DNMBP: variants seen among roughly 807,000 people sequenced by gnomAD.
The protein encoded by DNMBP is dynamin-binding protein.
DNMBP carries 87 observed loss-of-function variants against 150.0 expected under a neutral mutation model. That is an observed-to-expected ratio of 0.58 (90% CI 0.49 to 0.69). The LOEUF (loss-of-function observed/expected upper bound fraction) is 0.69. Among genes scored for constraint, DNMBP ranks in the 30% least tolerant of loss-of-function variants. DNMBP has a pLI of 0.00. For missense variants in DNMBP, 1,774 were observed against 1,949.0 expected (o/e 0.91, Z 1.69); for synonymous variants, 711 against 750.4 (o/e 0.95, Z 0.86).
At chr10:99,970,971 CAAAAAAAAAAAAAAAA>C (rs532226561) in intron 2 of DNMBP, among the ~76,000 whole-genome samples, 1 of 33,184 alleles carries the variant, frequency 3.0e-5, no homozygotes, top group Admixed American at 5.4e-4. Context: ...GACTCCGTCT[CAAAAAAAAAAAAAAAA>C]AAAAAAAAAA....
chr10:99,973,048 C>T (rs1471784453), intron 1 of DNMBP, among the ~76,000 whole-genome samples: 2 of 152,120 alleles, frequency 1.3e-5, no homozygotes, highest in Non-Finnish European at 2.9e-5. Context: ...TCCCAAAGTG[C>T]TGGGATTACA....
At chr10:99,884,317 A>C in intron 14 of DNMBP, 108 bp from the exon 15 acceptor site, 24 of 924,640 alleles carry the variant, frequency 2.6e-5, no homozygotes, top group Non-Finnish European at 3.6e-5. Flanking sequence ...ACAGTCAGTC[A>C]CTGCCCATCT....
chr10:99,923,006 C>A (rs1564733157), intron 4 of DNMBP, among the ~76,000 whole-genome samples: 1 of 152,160 alleles, frequency 6.6e-6, no homozygotes, highest in Non-Finnish European at 1.5e-5. Flanking sequence ...GTAATCCCAG[C>A]AGTTTGGGAG....
At chr10:99,969,548 G>A (rs1015179931) in intron 2 of DNMBP, among the ~76,000 whole-genome samples, 3 of 152,124 alleles carry the variant, frequency 2.0e-5, no homozygotes, top group East Asian at 1.9e-4. Context: ...ACAAAAAGTC[G>A]AATTCAGACA....
intron 1 of DNMBP, among the ~76,000 whole-genome samples, chr10:99,996,384 G>T (rs2040951886): frequency 6.6e-6 from 1 of 152,142 alleles, no homozygotes; most frequent in Non-Finnish European, 1.5e-5. Flanking sequence ...GCCAGGCATG[G>T]TGGCACCCGC....
At chr10:100,008,222 G>C (rs1050585538) in intron 1 of DNMBP, among the ~76,000 whole-genome samples, 2 of 152,182 alleles carry the variant, frequency 1.3e-5, no homozygotes, top group African/African-American at 4.8e-5. Context: ...GCCCTGCCTT[G>C]GGGCTGCAAG....
At chr10:100,000,740 C>G (rs1407819664) in intron 1 of DNMBP, among the ~76,000 whole-genome samples, 2 of 151,446 alleles carry the variant, frequency 1.3e-5, no homozygotes, top group Non-Finnish European at 1.5e-5. Flanking sequence ...AGGCACTGTT[C>G]GAGGTGGGCT....
chr10:99,992,260 T>C (rs1157635713), intron 1 of DNMBP, among the ~76,000 whole-genome samples: 2 of 151,768 alleles, frequency 1.3e-5, no homozygotes, highest in African/African-American at 4.8e-5. Context: ...CAAAACAAAA[T>C]GTAATAGTTA....
At chr10:100,006,470 T>C (rs531846119) in intron 1 of DNMBP, among the ~76,000 whole-genome samples, 2 of 152,320 alleles carry the variant, frequency 1.3e-5, no homozygotes, top group African/African-American at 4.8e-5. Context: ...CAGCTCTAGC[T>C]TGAAAAGGTC....
At chr10:99,927,850 A>T (rs2040099412) in intron 4 of DNMBP, among the ~76,000 whole-genome samples, 1 of 152,176 alleles carries the variant, frequency 6.6e-6, no homozygotes, top group Admixed American at 6.5e-5. Context: ...GAAGGGTTTC[A>T]CTCCTGTTAA....
chr10:99,969,645 AG>A (rs2040655344), intron 2 of DNMBP, among the ~76,000 whole-genome samples: 1 of 152,248 alleles, frequency 6.6e-6, no homozygotes, highest in Admixed American at 6.5e-5. Context: ...GTAATAGGTC[AG>A]GAAGAACATA....
intron 11 of DNMBP, among the ~76,000 whole-genome samples, chr10:99,889,791 C>T (rs973572903): frequency 4.6e-5 from 7 of 152,128 alleles, no homozygotes; most frequent in African/African-American, 7.2e-5. Context: ...CTGTTGAGGG[C>T]TTTTATCATC....
chr10:99,948,829 G>T (rs1176021517), intron 4 of DNMBP, among the ~76,000 whole-genome samples: 2 of 151,994 alleles, frequency 1.3e-5, no homozygotes, highest in Non-Finnish European at 2.9e-5. Context: ...CAGGTGTGGT[G>T]GCGGGCACCT....
chr10:99,981,016 G>A (rs2040775772), intron 1 of DNMBP, among the ~76,000 whole-genome samples: 1 of 152,084 alleles, frequency 6.6e-6, no homozygotes, highest in South Asian at 2.1e-4. Flanking sequence ...GAGATGAATG[G>A]TAGTAATGGT....
At chr10:99,990,836 TAC>T (rs749042671) in intron 1 of DNMBP, among the ~76,000 whole-genome samples, 975 of 71,582 alleles carry the variant, frequency 0.014, 10 homozygotes, top group South Asian at 0.082. Flanking sequence ...CATATACATA[TAC>T]ACACACACAC....
rs746639347 is a variant in DNMBP at position 99,969,230 on chromosome 10, G to A, written c.153C>T (p.Phe51=). The A allele has an allele frequency of 8.1e-6, 13 of 1,613,744 alleles. No individual in the cohort carries two copies. The East Asian group carries it at 2.7e-4, about 33-fold the overall frequency. ...TCACAATTTCCACAAAACTGCTGGG[G>A]AATTGTCCTGAAAATAAAAGCAAAC... is the stretch of plus-strand genomic sequence containing the variant. ...LGKKEDVTGQ[F]PSSFVEIVTI... The change falls in exon 3 of 17, where the codon TTC becomes TTT. Residue 51 remains phenylalanine, a synonymous_variant. Coordinates refer to ENST00000324109, the MANE Select transcript of DNMBP (RefSeq NM_015221.4).
chr10:99,947,890 G>A (rs1248552845), intron 4 of DNMBP, among the ~76,000 whole-genome samples: 3 of 152,142 alleles, frequency 2.0e-5, no homozygotes, highest in African/African-American at 4.8e-5. Flanking sequence ...TTCTATAGGT[G>A]TGTAAGATAT....
intron 1 of DNMBP, among the ~76,000 whole-genome samples, chr10:100,008,773 T>TA (rs1491093414): frequency 6.6e-6 from 1 of 152,158 alleles, no homozygotes; most frequent in Non-Finnish European, 1.5e-5. Flanking sequence ...ACCGTGTCGG[T>TA]ATTCATGCTG....
intron 4 of DNMBP, among the ~76,000 whole-genome samples, chr10:99,936,849 C>T (rs1564738494): frequency 6.6e-6 from 1 of 151,838 alleles, no homozygotes; most frequent in Non-Finnish European, 1.5e-5. Context: ...GGACTACAGG[C>T]ATTTGTCACC....
Sources: allele counts gnomAD v4.1 joint callset (sites outside exome capture counted in the v4.1 genomes callset), GRCh38; gene constraint gnomAD v4.1.1; transcripts MANE v1.5; gene names NCBI Gene and HGNC (gene_info 2026-07-23, HGNC 2026-07-21).